The following PCDH9 variants were observed in gnomAD, a reference collection of about 807,000 sequenced individuals.
PCDH9 encodes protocadherin 9, also known as protocadherin-9.
A neutral mutation model predicts 70.6 loss-of-function variants in PCDH9; 24 were observed. That is an observed-to-expected ratio of 0.34 (90% CI 0.25 to 0.48). PCDH9 has a LOEUF of 0.48. PCDH9 is among the 20% of genes least tolerant of loss of function. The pLI is 0.99. For synonymous variants in PCDH9, 562 were observed against 558.5 expected, an observed-to-expected ratio of 1.01 and a Z score of -0.09; for missense variants, 1,281 against 1,503.6, an observed-to-expected ratio of 0.85 and a Z score of 2.45.
intron 3 of PCDH9, among the ~76,000 whole-genome samples, chr13:66,808,008 A>G (rs564827538): frequency 6.6e-6 from 1 of 152,168 alleles, no homozygotes; most frequent in South Asian, 2.1e-4. Context: ...TCATTGCTCT[A>G]ACAAACCAGA....
At chr13:66,558,129 G>A (rs1042781760) in intron 4 of PCDH9, among the ~76,000 whole-genome samples, 9 of 152,140 alleles carry the variant, frequency 5.9e-5, no homozygotes, top group East Asian at 1.9e-4. Context: ...CACTCCAGCC[G>A]GAACAACAGA....
chr13:66,861,545 T>G (rs2081484679), intron 3 of PCDH9, among the ~76,000 whole-genome samples: 1 of 152,180 alleles, frequency 6.6e-6, no homozygotes, highest in Non-Finnish European at 1.5e-5. Context: ...CTGGCACTGA[T>G]GTTAACATTT....
intron 3 of PCDH9, among the ~76,000 whole-genome samples, chr13:66,676,736 T>A (rs2078248373): frequency 6.6e-6 from 1 of 152,114 alleles, no homozygotes; most frequent in Non-Finnish European, 1.5e-5. Flanking sequence ...GGGAAATAAA[T>A]TCAATTGTGT....
At position 66,799,416 on chromosome 13, in the gene PCDH9, AT is replaced by A. The variant is rs1035345233; in HGVS notation, c.3138+104087del. 3.3e-5 allele frequency among the ~76,000 whole-genome samples: 5 copies of A among 152,250 alleles called. No individual in the cohort carries two copies. In the South Asian group the frequency reaches 1.0e-3, roughly 32 times the overall value. On this transcript the variant is annotated intron_variant, in intron 3 of 4. Transcript: ENST00000377865. The stretch of plus-strand genomic sequence containing the variant: ...GTATCACTTAACAAAATCTTTCTGC[AT>A]TGAGAGACTGTCACCAATAATCTAT...
chr13:67,192,265 A>G (rs1418297595), intron 2 of PCDH9, among the ~76,000 whole-genome samples: 1 of 152,140 alleles, frequency 6.6e-6, no homozygotes, highest in African/African-American at 2.4e-5. Flanking sequence ...TTCCAAACCT[A>G]CTATATTTTT....
intron 2 of PCDH9, among the ~76,000 whole-genome samples, chr13:67,164,799 G>A (rs1439838900): frequency 1.3e-5 from 2 of 151,966 alleles, no homozygotes; most frequent in Admixed American, 1.3e-4. Context: ...TTATTTATTA[G>A]CTCCTCAGAT....
intron 4 of PCDH9, among the ~76,000 whole-genome samples, chr13:66,443,946 T>C (rs1028235494): frequency 1.4e-4 from 21 of 152,172 alleles, no homozygotes. Context: ...ACATTCTTTT[T>C]TCCCTATTTA....
At chr13:66,618,554 GAA>G (rs2077386566) in intron 4 of PCDH9, among the ~76,000 whole-genome samples, 1 of 151,976 alleles carries the variant, frequency 6.6e-6, no homozygotes, top group Admixed American at 6.6e-5. Context: ...GATATTATGA[GAA>G]TATATTCTTT....
intron 3 of PCDH9, among the ~76,000 whole-genome samples, chr13:66,708,105 A>G (rs2078738240): frequency 6.6e-6 from 1 of 151,534 alleles, no homozygotes; most frequent in Admixed American, 6.6e-5. Context: ...GCTGGAGTGC[A>G]GTGGCGGGAT....
chr13:66,556,574 A>G (rs1961750832), intron 4 of PCDH9, among the ~76,000 whole-genome samples: 2 of 152,316 alleles, frequency 1.3e-5, no homozygotes, highest in South Asian at 4.2e-4. Context: ...GGATGACTCT[A>G]TCTCAATAAC....
rs140475590 is a variant in PCDH9 at position 66,713,612 on chromosome 13, AGT to A, written c.3139-82203_3139-82202del. Among the ~76,000 whole-genome samples, 911 of 110,856 alleles carry A rather than the reference AGT, an allele frequency of 8.2e-3. 25 individuals carry two copies. The highest frequency in any genetic ancestry group is 0.017 in the African/African-American group (514 of 29,886). The allele number at this position is 110,856 out of a possible 152,430, so 72.7% of individuals were successfully genotyped here. Reference sequence around the variant, plus strand: ...ATTGTGTTTGTGTATATATATATAAAGTGTGTGTGTGTGTATATATATATATA... The same window carrying A: ...ATTGTGTTTGTGTATATATATATAAAGTGTGTGTGTGTATATATATATATA... On this transcript the variant is annotated intron_variant, in intron 3 of 4. Transcript: ENST00000377865.
chr13:66,796,648 T>C (rs1222462577), intron 3 of PCDH9, among the ~76,000 whole-genome samples: 1 of 152,188 alleles, frequency 6.6e-6, no homozygotes. Context: ...ATAGGTTCAC[T>C]GTAGAGAATT....
chr13:66,717,480 A>AAAAATATAT (rs1566145314), intron 3 of PCDH9, among the ~76,000 whole-genome samples: 2 of 44,432 alleles, frequency 4.5e-5, no homozygotes, highest in African/African-American at 1.8e-4. Context: ...AAAAAAAAAA[A>AAAAATATAT]ATATATATAT....
At chr13:66,626,903 G>C (rs973090822) in intron 4 of PCDH9, among the ~76,000 whole-genome samples, 1 of 151,546 alleles carries the variant, frequency 6.6e-6, no homozygotes. Context: ...GTATAAACTT[G>C]GGAATAAAGA....
chr13:66,809,085 C>T lies in PCDH9; in HGVS notation c.3138+94419G>A, dbSNP rs532018343. Reference sequence around the variant, plus strand: ...GCCTCAGCCTCCTGAGTAGCTGGGACTACAGGCCCCCGCCACCACGCTCGA... The same window carrying T: ...GCCTCAGCCTCCTGAGTAGCTGGGATTACAGGCCCCCGCCACCACGCTCGA... On this transcript the variant is annotated intron_variant, in intron 3 of 4. Transcript: ENST00000377865. 1.2e-4 allele frequency among the ~76,000 whole-genome samples: 19 copies of T among 152,212 alleles called. No individual in the cohort carries two copies. In the East Asian group the frequency reaches 2.5e-3, roughly 20 times the overall value.
chr13:67,000,830 G>T (rs1048070103), intron 2 of PCDH9, among the ~76,000 whole-genome samples: 1 of 152,140 alleles, frequency 6.6e-6, no homozygotes, highest in Non-Finnish European at 1.5e-5. Flanking sequence ...TTTAAATAGT[G>T]TAAAGCTAAG....
chr13:66,928,625 TATAA>T (rs1434864984), intron 2 of PCDH9, among the ~76,000 whole-genome samples: 1 of 152,030 alleles, frequency 6.6e-6, no homozygotes, highest in African/African-American at 2.4e-5. Context: ...TTAGTGCCCT[TATAA>T]TAGAGACCTG....
intron 2 of PCDH9, chr13:67,218,021 T>G (rs988357280): frequency 1.3e-5 from 2 of 152,130 alleles, no homozygotes; most frequent in Non-Finnish European, 2.9e-5. Context: ...AGGCTATAAA[T>G]CACTCTAATG....
intron 4 of PCDH9, among the ~76,000 whole-genome samples, chr13:66,309,545 G>A (rs1483376160): frequency 1.3e-5 from 2 of 151,850 alleles, no homozygotes; most frequent in East Asian, 3.9e-4. Flanking sequence ...AAATATGATT[G>A]AATATAATCT....
Sources: allele counts gnomAD v4.1 joint callset (sites outside exome capture counted in the v4.1 genomes callset), GRCh38; gene constraint gnomAD v4.1.1; transcripts MANE v1.5; gene names NCBI Gene and HGNC (gene_info 2026-07-23, HGNC 2026-07-21).